The following HYCC1 variants were observed in gnomAD, a reference collection of about 807,000 sequenced individuals.
The protein encoded by HYCC1 is hyccin.
At chr7:22,945,814 C>T in the HYCC1 span, 72 of 1,613,670 alleles carry the variant, frequency 4.5e-5, no homozygotes, top group Non-Finnish European at 5.5e-5. Flanking sequence ...TAAATACAGT[C>T]GCTGCGGTCT....
At chr7:23,004,044 C>T in the HYCC1 span, among the ~76,000 whole-genome samples, 2 of 152,060 alleles carry the variant, frequency 1.3e-5, no homozygotes, top group South Asian at 2.1e-4. Context: ...ATTAACTGGG[C>T]TAAGAGTCAA....
the HYCC1 span, among the ~76,000 whole-genome samples, chr7:22,965,132 A>T: frequency 4.9e-5 from 1 of 20,252 alleles, no homozygotes; most frequent in Admixed American, 5.7e-4. Flanking sequence ...AGATTCCATT[A>T]AAAAAAAAAA....
the HYCC1 span, among the ~76,000 whole-genome samples, chr7:22,931,255 G>GAAAAAAAAAAAAA: frequency 1.9e-5 from 2 of 103,816 alleles, no homozygotes; most frequent in African/African-American, 7.0e-5. Context: ...CAAAAAAAAA[G>GAAAAAAAAAAAAA]AAAAAAAAAA....
chr7:22,910,928 T>C, the HYCC1 span, among the ~76,000 whole-genome samples: 1 of 152,084 alleles, frequency 6.6e-6, no homozygotes, highest in East Asian at 1.9e-4. Flanking sequence ...TCATTATTCA[T>C]AATGTTTATA....
chr7:23,000,976 T>G, the HYCC1 span, among the ~76,000 whole-genome samples: 1 of 152,152 alleles, frequency 6.6e-6, no homozygotes, highest in Admixed American at 6.6e-5. Flanking sequence ...TAAATCTGTA[T>G]TATTAATCTC....
At chr7:22,947,542 T>C in the HYCC1 span, among the ~76,000 whole-genome samples, 1 of 152,086 alleles carries the variant, frequency 6.6e-6, no homozygotes, top group African/African-American at 2.4e-5. Flanking sequence ...TTCTAATAAA[T>C]CAAAATAAAA....
chr7:23,012,548 A>G, the HYCC1 span, among the ~76,000 whole-genome samples: 1 of 152,294 alleles, frequency 6.6e-6, no homozygotes, highest in Admixed American at 6.5e-5. Context: ...GTTTGATTGA[A>G]CTGATTATTT....
At chr7:22,950,679 T>C in the HYCC1 span, among the ~76,000 whole-genome samples, 4 of 151,964 alleles carry the variant, frequency 2.6e-5, no homozygotes, top group Non-Finnish European at 5.9e-5. Flanking sequence ...TTTAGCAAGA[T>C]GCTTAGGTCA....
chr7:22,989,003 C>T, the HYCC1 span, among the ~76,000 whole-genome samples: 1 of 152,064 alleles, frequency 6.6e-6, no homozygotes, highest in Admixed American at 6.6e-5. Context: ...AATAAACAAA[C>T]AGATGGAAAG....
the HYCC1 span, among the ~76,000 whole-genome samples, chr7:23,005,252 T>C: frequency 1.4e-3 from 214 of 152,258 alleles, no homozygotes; most frequent in African/African-American, 4.9e-3. Flanking sequence ...CCGGGCCAAT[T>C]TTCAACAAGT....
chr7:22,973,954 G>A, the HYCC1 span, among the ~76,000 whole-genome samples: 1 of 151,976 alleles, frequency 6.6e-6, no homozygotes, highest in South Asian at 2.1e-4. Flanking sequence ...AACATCTATG[G>A]AGCTTCAAAA....
chr7:22,982,743 A>T, the HYCC1 span, among the ~76,000 whole-genome samples: 1 of 152,022 alleles, frequency 6.6e-6, no homozygotes, highest in Admixed American at 6.6e-5. Flanking sequence ...TTGCCAATCT[A>T]TCCTCCACAT....
the HYCC1 span, chr7:22,935,939 G>A: frequency 1.3e-5 from 2 of 149,982 alleles, no homozygotes; most frequent in Non-Finnish European, 3.0e-5. Flanking sequence ...ATAAGCCACT[G>A]CGCCTGGCCT....
At chr7:22,981,147 T>A in the HYCC1 span, among the ~76,000 whole-genome samples, 1 of 152,222 alleles carries the variant, frequency 6.6e-6, no homozygotes. Flanking sequence ...TATGTTTAGT[T>A]ATTTGTTTAA....
the HYCC1 span, among the ~76,000 whole-genome samples, chr7:22,991,972 T>C: frequency 4.3e-4 from 65 of 152,204 alleles, no homozygotes; most frequent in Non-Finnish European, 7.8e-4. Flanking sequence ...TTCTATTACT[T>C]ACTTGGGTAA....
At chr7:22,931,472 A>G in the HYCC1 span, among the ~76,000 whole-genome samples, 2 of 152,142 alleles carry the variant, frequency 1.3e-5, no homozygotes, top group African/African-American at 4.8e-5. Flanking sequence ...GTGCTGCCAT[A>G]ACAAATATCT....
chr7:22,975,955 C>T, the HYCC1 span, among the ~76,000 whole-genome samples: 91 of 152,212 alleles, frequency 6.0e-4, no homozygotes, highest in East Asian at 5.2e-3. Context: ...CCTGGGTTCA[C>T]GCAATACTCC....
the HYCC1 span, among the ~76,000 whole-genome samples, chr7:22,977,084 G>A: frequency 9.7e-6 from 1 of 102,950 alleles, no homozygotes; most frequent in Admixed American, 1.6e-4. Context: ...ACACACACAA[G>A]TAGCCATCCA....
chr7:22,945,972 C>CT, the HYCC1 span: 1 of 1,613,748 alleles, frequency 6.2e-7, no homozygotes, highest in Non-Finnish European at 8.5e-7. Flanking sequence ...CCTGTAGTTT[C>CT]TTTTTCTTTT....
Sources: gnomAD v4.1 joint callset for allele counts (sites outside exome capture counted in the v4.1 genomes callset) on GRCh38, gnomAD v4.1.1 for gene constraint, MANE v1.5 for transcripts, NCBI Gene and HGNC (gene_info 2026-07-23, HGNC 2026-07-21) for gene names.